Variants in RAB3C observed in about 807,000 individuals in gnomAD.
RAB3C encodes the protein ras-related protein Rab-3C.
A neutral mutation model predicts 26.4 loss-of-function variants in RAB3C; 17 were observed. The observed-to-expected ratio is 0.64, with a 90% CI of 0.44 to 0.97. The LOEUF (loss-of-function observed/expected upper bound fraction) is 0.97. RAB3C is among the 50% of genes least tolerant of loss of function. The pLI is 0.00. For synonymous variants in RAB3C, 91 were observed against 95.9 expected (o/e 0.95, Z 0.30); for missense variants, 242 against 281.9 (o/e 0.86, Z 1.01).
At chr5:58,626,983 G>C (rs1747066425) in intron 2 of RAB3C, among the ~76,000 whole-genome samples, 1 of 152,128 alleles carries the variant, frequency 6.6e-6, no homozygotes, top group South Asian at 2.1e-4. Flanking sequence ...CCAACCACTG[G>C]TAAATTTTAA....
chr5:58,841,235 G>A (rs1401491708), intron 4 of RAB3C, among the ~76,000 whole-genome samples: 1 of 152,178 alleles, frequency 6.6e-6, no homozygotes, highest in African/African-American at 2.4e-5. Flanking sequence ...GGGAGGGCAT[G>A]TAGCAGTTTG....
At chr5:58,709,853 T>C (rs1029358696) in intron 2 of RAB3C, among the ~76,000 whole-genome samples, 1 of 152,190 alleles carries the variant, frequency 6.6e-6, no homozygotes, top group Non-Finnish European at 1.5e-5. Flanking sequence ...AAAAAACAAG[T>C]CATTGAAAAG....
chr5:58,798,974 T>C (rs765996532), intron 3 of RAB3C, among the ~76,000 whole-genome samples: 5 of 152,192 alleles, frequency 3.3e-5, no homozygotes, highest in Admixed American at 2.0e-4. Context: ...GAAAGACTGC[T>C]GAGACAATAG....
intron 2 of RAB3C, among the ~76,000 whole-genome samples, chr5:58,685,163 G>A (rs1748418194): frequency 6.6e-6 from 1 of 152,124 alleles, no homozygotes; most frequent in Non-Finnish European, 1.5e-5. Flanking sequence ...TCTATATAGG[G>A]TTTTGTACTA....
At chr5:58,711,527 C>A (rs1749061589) in intron 2 of RAB3C, among the ~76,000 whole-genome samples, 1 of 152,170 alleles carries the variant, frequency 6.6e-6, no homozygotes, top group Non-Finnish European at 1.5e-5. Context: ...GGTGTTCTAA[C>A]TCCAAAGCCC....
intron 2 of RAB3C, among the ~76,000 whole-genome samples, chr5:58,634,914 A>T (rs961854173): frequency 6.6e-6 from 1 of 152,228 alleles, no homozygotes; most frequent in Non-Finnish European, 1.5e-5. Flanking sequence ...TTCAAGATGA[A>T]GACTTTTAAT....
At chr5:58,735,523 C>T (rs775826984) in intron 3 of RAB3C, among the ~76,000 whole-genome samples, 2 of 152,128 alleles carry the variant, frequency 1.3e-5, no homozygotes, top group Non-Finnish European at 2.9e-5. Flanking sequence ...TGGGTAGACT[C>T]AACAGCAGAA....
chr5:58,701,306 C>T (rs925997448), intron 2 of RAB3C, among the ~76,000 whole-genome samples: 1 of 152,110 alleles, frequency 6.6e-6, no homozygotes, highest in Admixed American at 6.5e-5. Flanking sequence ...CGGCCTAGTT[C>T]ATTTTTTAAT....
intron 2 of RAB3C, among the ~76,000 whole-genome samples, chr5:58,685,297 G>A (rs1404780042): frequency 3.9e-5 from 6 of 152,066 alleles, no homozygotes; most frequent in Admixed American, 6.6e-5. Flanking sequence ...GGCTGCATTC[G>A]TTCTGGAGGT....
At chr5:58,650,761 T>G (rs1164536668) in intron 2 of RAB3C, among the ~76,000 whole-genome samples, 1 of 152,200 alleles carries the variant, frequency 6.6e-6, no homozygotes. Flanking sequence ...ACAGCCATGA[T>G]TCCCCCTATG....
intron 3 of RAB3C, among the ~76,000 whole-genome samples, chr5:58,739,869 A>C (rs1741239240): frequency 6.6e-6 from 1 of 152,226 alleles, no homozygotes; most frequent in Non-Finnish European, 1.5e-5. Flanking sequence ...TAAACACCAA[A>C]TGATTCTTTT....
chr5:58,636,789 C>T (rs183181722), intron 2 of RAB3C, among the ~76,000 whole-genome samples: 4 of 152,212 alleles, frequency 2.6e-5, no homozygotes, highest in African/African-American at 9.6e-5. Context: ...CAATAACAGA[C>T]CACCAAAAAG....
At chr5:58,582,343 C>T, upstream of RAB3C, 3 of 962,722 alleles carry the variant, frequency 3.1e-6, no homozygotes, top group Non-Finnish European at 3.7e-6. Flanking sequence ...CTACGTAGAG[C>T]CCTAACCTCC....
intron 3 of RAB3C, among the ~76,000 whole-genome samples, chr5:58,728,300 T>G (rs1319829790): frequency 6.6e-6 from 1 of 152,064 alleles, no homozygotes; most frequent in Non-Finnish European, 1.5e-5. Context: ...CACCCAGTTA[T>G]CTGATGTAGA....
intron 2 of RAB3C, among the ~76,000 whole-genome samples, chr5:58,640,786 T>A (rs1254710755): frequency 6.6e-6 from 1 of 152,192 alleles, no homozygotes; most frequent in African/African-American, 2.4e-5. Flanking sequence ...ACACTTAACA[T>A]CATTTTATAA....
chr5:58,855,950 T>A lies in RAB3C; in HGVS notation c.*4599T>A, dbSNP rs942532431. 5 of 152,194 alleles carry A rather than the reference T, an allele frequency of 3.3e-5. No homozygotes were observed. Among genetic ancestry groups the A allele is most frequent in the African/African-American group, 1.2e-4 (5 of 41,452 alleles). The allele number at this position is 152,194 out of a possible 1,614,324, so 9.4% of individuals were successfully genotyped here. ...TTTTTCTTAAAAATATTTACAGAAATGCTTGACACTCCGGTCAAATAATAT... is the reference window on the plus strand; with the variant it reads ...TTTTTCTTAAAAATATTTACAGAAAAGCTTGACACTCCGGTCAAATAATAT... On this transcript the variant is annotated 3_prime_UTR_variant, in exon 5 of 5. Coordinates refer to ENST00000282878, the MANE Select transcript of RAB3C (RefSeq NM_138453.4).
chr5:58,807,117 C>T (rs1223303726), intron 3 of RAB3C, among the ~76,000 whole-genome samples: 2 of 152,186 alleles, frequency 1.3e-5, no homozygotes, highest in Non-Finnish European at 2.9e-5. Context: ...GAAAGGGTTG[C>T]TTTAATCTGT....
At chr5:58,609,374 G>A (rs2111703788) in intron 1 of RAB3C, among the ~76,000 whole-genome samples, 1 of 152,202 alleles carries the variant, frequency 6.6e-6, no homozygotes, top group African/African-American at 2.4e-5. Flanking sequence ...TCCAGCAGGG[G>A]AAAGGGGGAA....
intron 2 of RAB3C, among the ~76,000 whole-genome samples, chr5:58,650,364 TAAAAAGAGGGAA>T (rs1747618372): frequency 6.6e-6 from 1 of 151,790 alleles, no homozygotes. Context: ...AGTGAGACAG[TAAAAAGAGGGAA>T]GGGAGAGAGA....
Sources: allele counts gnomAD v4.1 joint callset (sites outside exome capture counted in the v4.1 genomes callset), GRCh38; gene constraint gnomAD v4.1.1; transcripts MANE v1.5; gene names NCBI Gene and HGNC (gene_info 2026-07-23, HGNC 2026-07-21).